Variants in PAPLN observed in about 807,000 individuals in gnomAD.
PAPLN encodes papilin.
A neutral mutation model predicts 159.0 loss-of-function variants in PAPLN; 146 were observed. The observed-to-expected ratio is 0.92, with a 90% confidence interval of 0.80 to 1.05. PAPLN has a LOEUF of 1.05. Among genes scored for constraint, PAPLN ranks in the 50% least tolerant of loss-of-function variants. The pLI, the probability that PAPLN is intolerant of heterozygous loss-of-function variation, is 0.00. For synonymous variants in PAPLN, 734 were observed against 702.9 expected (o/e 1.04, Z -0.70); for missense variants, 1,720 against 1,743.9 (o/e 0.99, Z 0.24).
chr14:73,269,917 G>A (rs553314140), intron 26 of PAPLN, among the ~76,000 whole-genome samples: 1 of 152,236 alleles, frequency 6.6e-6, no homozygotes, highest in Admixed American at 6.5e-5. Context: ...GCCAGTACTA[G>A]AAGTTGAAGG....
At chr14:73,263,325 G>C (rs976812458) in intron 19 of PAPLN, 3 of 485,972 alleles carry the variant, frequency 6.2e-6, no homozygotes, top group Non-Finnish European at 1.1e-5. Flanking sequence ...TGGGTCGAGC[G>C]TGTAGTTTAG....
intron 14 of PAPLN, among the ~76,000 whole-genome samples, chr14:73,258,769 G>A (rs542505710): frequency 6.6e-6 from 1 of 152,220 alleles, no homozygotes; most frequent in East Asian, 1.9e-4. Flanking sequence ...AAAAAGATGA[G>A]CATTTTCTGT....
Position 73,249,970 on chromosome 14 carries a change from C to A in PAPLN, c.335-14C>A. ...AACCTCAGGATCTCAGTCTTGCCTT[C>A]CTGCCCACCCCAGCCCCAAACAAGT... On this transcript the variant is annotated splice_polypyrimidine_tract_variant and intron_variant, in intron 5 of 26. Transcript: ENST00000644200. 1 of 1,590,622 alleles carries A rather than the reference C, an allele frequency of 6.3e-7. No homozygotes were observed. The highest frequency in any genetic ancestry group is 1.1e-5 in the South Asian group (1 of 87,008).
At position 73,256,909 on chromosome 14, in the gene PAPLN, A is replaced by T. The variant is rs565584011; in HGVS notation, c.1627+1891A>T. On this transcript the variant is annotated intron_variant, in intron 14 of 26. Transcript: ENST00000644200. Reference sequence around the variant, plus strand: ...AAAAATAAAAAGATTAAAAAAAAAAATAATAAAATAAGTAAATATTTCTAG... The same window carrying T: ...AAAAATAAAAAGATTAAAAAAAAAATTAATAAAATAAGTAAATATTTCTAG... Among the ~76,000 whole-genome samples, 19 of 151,884 alleles carry T rather than the reference A, an allele frequency of 1.3e-4. No individual in the cohort carries two copies. In the South Asian group the frequency reaches 4.0e-3, roughly 32 times the overall value.
chr14:73,250,133 C>A lies in PAPLN; in HGVS notation c.465+19C>A. ...CTGCCGGGTGAGTGGTGCCCCAGCC[C>A]CTCCCTGCCTCCGGGCTGCCTGGGG... On this transcript the variant is annotated intron_variant, in intron 6 of 26. Coordinates refer to ENST00000644200, the MANE Select transcript of PAPLN (RefSeq NM_001365906.3). 2 of 1,590,710 alleles carry A rather than the reference C, an allele frequency of 1.3e-6. No individual in the cohort carries two copies. Among genetic ancestry groups the A allele is most frequent in the South Asian group, 1.2e-5 (1 of 86,836 alleles).
chr14:73,264,756 C>G, intron 22 of PAPLN, 30 bp downstream of exon 22: 1 of 1,610,556 alleles, frequency 6.2e-7, no homozygotes, highest in South Asian at 1.1e-5. Flanking sequence ...ATCTTGCCCT[C>G]CCCCACGCCA....
chr14:73,249,264 T>A (rs1594791070), intron 5 of PAPLN, among the ~76,000 whole-genome samples: 1 of 152,258 alleles, frequency 6.6e-6, no homozygotes, highest in South Asian at 2.1e-4. Context: ...TGCATAGTAA[T>A]CACCATTTTG....
Position 73,264,669 on chromosome 14 carries a change from CG to C in PAPLN, c.3073del (p.Ala1025LeufsTer39), listed in dbSNP as rs1887030153. 6.2e-7 allele frequency: 1 copy of C among 1,610,616 alleles called. No individual in the cohort carries two copies. The highest frequency in any genetic ancestry group is 8.5e-7 in the Non-Finnish European group (1 of 1,179,136). Reference sequence around the variant, plus strand: ...GACCCAGCTCAGGACTTTGGCCAAGCGGGGGCTGCTGGGCCCCTGGGGGCCA... The same window carrying C: ...GACCCAGCTCAGGACTTTGGCCAAGCGGGGCTGCTGGGCCCCTGGGGGCCA... Reference protein sequence around the residue: ...PRDPAQDFGQAGAAGPLGAIP... With the variant: ...PRDPAQDFGQXGAAGPLGAIP... On this transcript the variant is annotated frameshift_variant, in exon 22 of 27. Coordinates refer to ENST00000644200, the MANE Select transcript of PAPLN (RefSeq NM_001365906.3). LOFTEE classifies it high-confidence loss of function.
chr14:73,273,833 GT>G lies in PAPLN; in HGVS notation c.*1171del, dbSNP rs779959008. 1.3e-5 allele frequency: 2 copies of G among 152,226 alleles called. No homozygotes were observed. Among genetic ancestry groups the G allele is most frequent in the Non-Finnish European group, 2.9e-5 (2 of 68,052 alleles). The allele number at this position is 152,226 out of a possible 1,614,324, so 9.4% of individuals were successfully genotyped here. A position where few individuals can be genotyped will look rare whatever the true frequency, so the allele number is the denominator to read the frequency against. On this transcript the variant is annotated 3_prime_UTR_variant, in exon 27 of 27. Coordinates refer to ENST00000644200, the MANE Select transcript of PAPLN (RefSeq NM_001365906.3). Reference sequence around the variant, plus strand: ...GCAGAGGGTTAACAGCATAACCCTTGTTGGCAAAATGGAATAGATGTTAAGA... The same window carrying G: ...GCAGAGGGTTAACAGCATAACCCTTGTGGCAAAATGGAATAGATGTTAAGA...
rs886594547 is a variant in PAPLN, at chr14:73,245,444, C to T, written c.171-192C>T. 7 of 605,176 alleles carry T rather than the reference C, an allele frequency of 1.2e-5. No homozygotes were observed. Among genetic ancestry groups the T allele is most frequent in the Admixed American group, 3.0e-5 (1 of 33,080 alleles). The allele number at this position is 605,176 out of a possible 1,614,324, so 37.5% of individuals were successfully genotyped here. On this transcript the variant is annotated intron_variant, in intron 3 of 26. Transcript: ENST00000644200. The surrounding 1 kb of genome is among the most constrained non-coding windows in gnomAD (Gnocchi z 4.2). ...ATAGGGTGGGTAGGGCTCTGAGTCC[C>T]GCTTCTCTGGAGTACCAACATGGGT...
chr14:73,263,615 G>A, intron 19 of PAPLN, 30 bp from the exon 20 acceptor site: 1 of 1,613,282 alleles, frequency 6.2e-7, no homozygotes, highest in Non-Finnish European at 8.5e-7. Flanking sequence ...GCTCATGCCA[G>A]TCAGCAGATC....
chr14:73,260,808 G>A lies in PAPLN; in HGVS notation c.2085G>A (p.Arg695=). The A allele has an allele frequency of 6.7e-7, 1 of 1,496,310 alleles. No individual in the cohort carries two copies. Among genetic ancestry groups the A allele is most frequent in the Non-Finnish European group, 8.9e-7 (1 of 1,125,574 alleles). The allele number at this position is 1,496,310 out of a possible 1,614,324, so 92.7% of individuals were successfully genotyped here. A position where few individuals can be genotyped will look rare whatever the true frequency, so the allele number is the denominator to read the frequency against. The part of the protein sequence containing the change: ...YGGDSTGGMP[R]SRAVASTVHN... The stretch of plus-strand genomic sequence containing the variant: ...GTGACAGCACCGGGGGCATGCCCAG[G>A]TCAAGGGCAGTGGCTTCTACAGTAA... Residue 695 remains arginine (R), a synonymous_variant, in exon 17 of 27, where the codon AGG becomes AGA. Transcript: ENST00000644200.
Position 73,265,535 on chromosome 14 carries a change from C to T in PAPLN, c.3263+28C>T. ...TTATTTGACTCCTCTCCCCTTCCTC[C>T]TATTCTGCCTCCAGCCCCACCTTAT... On this transcript the variant is annotated intron_variant, in intron 23 of 26. Coordinates refer to ENST00000644200, the MANE Select transcript of PAPLN (RefSeq NM_001365906.3). This position sits in a 1 kb window ranked among gnomAD's most constrained non-coding sequence, Gnocchi z 4.1. The T allele has an allele frequency of 6.2e-7, 1 of 1,608,198 alleles. No individual in the cohort carries two copies. Among genetic ancestry groups the T allele is most frequent in the Non-Finnish European group, 8.5e-7 (1 of 1,176,828 alleles).
chr14:73,247,919 TG>T (rs1884714462), intron 5 of PAPLN, among the ~76,000 whole-genome samples: 1 of 123,342 alleles, frequency 8.1e-6, no homozygotes, highest in African/African-American at 3.2e-5. Flanking sequence ...TGTGTGTGTG[TG>T]TGTGTGTGTG....
chr14:73,242,328 G>T (rs886986467), intron 2 of PAPLN, among the ~76,000 whole-genome samples: 1 of 152,216 alleles, frequency 6.6e-6, no homozygotes, highest in Admixed American at 6.5e-5. Context: ...TGGCTCCATG[G>T]CAGGGGTACC....
Position 73,253,870 on chromosome 14 carries a change from C to T in PAPLN, c.1211C>T (p.Ala404Val). ...GAGIQEAVEEAECAGLPGKPP... is the reference protein window; with the variant it reads ...GAGIQEAVEEVECAGLPGKPP... ...GGCATCCAGGAGGCCGTGGAGGAGG[C>T]TGAGTGTGCCGGGCTGCCTGGGAAG... The change falls in exon 12 of 27, where the codon GCT becomes GTT. Residue 404 changes from alanine to valine, a missense_variant. Coordinates refer to ENST00000644200, the MANE Select transcript of PAPLN (RefSeq NM_001365906.3). 5.0e-6 allele frequency: 8 copies of T among 1,613,578 alleles called. No homozygotes were observed. The highest frequency in any genetic ancestry group is 6.8e-6 in the Non-Finnish European group (8 of 1,179,950).
intron 1 of PAPLN, among the ~76,000 whole-genome samples, chr14:73,238,394 AC>A (rs916472402): frequency 6.6e-6 from 1 of 152,216 alleles, no homozygotes; most frequent in African/African-American, 2.4e-5. Context: ...CCGTGACCAG[AC>A]CCGGACTGGC....
In PAPLN at chr14:73,245,357, T is replaced by C. The variant is rs1884100326; in HGVS notation, c.171-279T>C. 3 of 489,072 alleles carry C rather than the reference T, an allele frequency of 6.1e-6. No individual in the cohort carries two copies. Among genetic ancestry groups the C allele is most frequent in the Admixed American group, 3.5e-5 (1 of 28,286 alleles). 30.3% of individuals were successfully genotyped at this position (489,072 alleles called of 1,614,324 possible). The stretch of plus-strand genomic sequence containing the variant: ...GGGTGGGTATTATATCTCATGCACC[T>C]CGGGTCTTCTCTGGGAATCTGCCTA... On this transcript the variant is annotated intron_variant, in intron 3 of 26. Coordinates refer to ENST00000644200, the MANE Select transcript of PAPLN (RefSeq NM_001365906.3). This position sits in a 1 kb window ranked among gnomAD's most constrained non-coding sequence, Gnocchi z 4.2.
Position 73,265,106 on chromosome 14 carries a change from G to T in PAPLN, c.3126-264G>T, listed in dbSNP as rs951602847. Among the ~76,000 whole-genome samples, 1 of 152,188 alleles carries T rather than the reference G, an allele frequency of 6.6e-6. No homozygotes were observed. Among genetic ancestry groups the T allele is most frequent in the Admixed American group, 6.5e-5 (1 of 15,284 alleles). ...CTAGTGGCAAATGTGCAGGGTGGGGGGTGACAGATGGGGATCCTGGCTGGT... is the reference window on the plus strand; with the variant it reads ...CTAGTGGCAAATGTGCAGGGTGGGGTGTGACAGATGGGGATCCTGGCTGGT... On this transcript the variant is annotated intron_variant, in intron 22 of 26. Coordinates refer to ENST00000644200, the MANE Select transcript of PAPLN (RefSeq NM_001365906.3). The surrounding 1 kb of genome is among the most constrained non-coding windows in gnomAD (Gnocchi z 4.1).
Sources: allele counts gnomAD v4.1 joint callset (sites outside exome capture counted in the v4.1 genomes callset), GRCh38; gene constraint gnomAD v4.1.1; non-coding constraint Gnocchi (gnomAD v3.1); transcripts MANE v1.5; gene names NCBI Gene and HGNC (gene_info 2026-07-23, HGNC 2026-07-21).